The following ERC2 variants were observed in gnomAD, a reference collection of about 807,000 sequenced individuals.
ERC2 encodes the protein ELKS/RAB6-interacting/CAST family member 2.
In ERC2, 42 loss-of-function variants were observed where a neutral mutation model predicts 114.8. That is an observed-to-expected ratio of 0.37 (90% CI 0.29 to 0.47). The LOEUF is 0.47. ERC2 is among the 20% of genes least tolerant of loss of function. The pLI, the probability that ERC2 is intolerant of heterozygous loss-of-function variation, is 0.99. For missense variants in ERC2, 939 were observed against 1,150.7 expected (o/e 0.82, Z 2.66); for synonymous variants, 454 against 425.5 (o/e 1.07, Z -0.82).
intron 17 of ERC2, among the ~76,000 whole-genome samples, chr3:55,640,984 G>A (rs983644898): frequency 5.3e-5 from 8 of 152,166 alleles, no homozygotes; most frequent in Non-Finnish European, 1.0e-4. Flanking sequence ...ATAGGAACGC[G>A]ACAAAAGTTG....
At chr3:55,963,835 G>A (rs888348842) in intron 12 of ERC2, among the ~76,000 whole-genome samples, 1 of 152,144 alleles carries the variant, frequency 6.6e-6, no homozygotes, top group African/African-American at 2.4e-5. Flanking sequence ...CCAACATTCC[G>A]CAGTCTGGCC....
At chr3:56,435,304 T>C (rs2061968760) in intron 1 of ERC2, among the ~76,000 whole-genome samples, 157 bp from the exon 2 acceptor site, 1 of 152,168 alleles carries the variant, frequency 6.6e-6, no homozygotes, top group Non-Finnish European at 1.5e-5. Context: ...TGTTGATTTA[T>C]AAAGAAAAGC....
At chr3:56,192,362 G>T (rs1474858601) in intron 3 of ERC2, among the ~76,000 whole-genome samples, 1 of 152,196 alleles carries the variant, frequency 6.6e-6, no homozygotes, top group South Asian at 2.1e-4. Context: ...TAGTAAGCAT[G>T]AGATAAATGT....
At chr3:55,833,354 A>G (rs1002214351) in intron 14 of ERC2, among the ~76,000 whole-genome samples, 2 of 151,270 alleles carry the variant, frequency 1.3e-5, no homozygotes, top group Non-Finnish European at 2.9e-5. Flanking sequence ...AAGGGCAGCC[A>G]GAGAGAAAGG....
chr3:55,743,091 A>C (rs1302160929), intron 14 of ERC2, among the ~76,000 whole-genome samples: 1 of 152,184 alleles, frequency 6.6e-6, no homozygotes, highest in Non-Finnish European at 1.5e-5. Context: ...GACCTCAAAA[A>C]AATAGTTTAC....
intron 13 of ERC2, among the ~76,000 whole-genome samples, chr3:55,920,539 G>A (rs890704092): frequency 1.3e-5 from 2 of 151,842 alleles, no homozygotes; most frequent in Non-Finnish European, 2.9e-5. Context: ...TCTCCCTGGA[G>A]GTAACAATCA....
intron 11 of ERC2, among the ~76,000 whole-genome samples, chr3:55,990,417 C>G (rs949751720): frequency 6.6e-6 from 1 of 152,036 alleles, no homozygotes; most frequent in Non-Finnish European, 1.5e-5. Context: ...TTGTTTAATA[C>G]AGAGACAAAG....
intron 3 of ERC2, among the ~76,000 whole-genome samples, chr3:56,228,728 T>A (rs1282080067): frequency 6.6e-6 from 1 of 152,210 alleles, no homozygotes; most frequent in Non-Finnish European, 1.5e-5. Flanking sequence ...GGTATAAAAA[T>A]TACTTTAATT....
At chr3:56,079,116 C>T (rs948305074) in intron 7 of ERC2, among the ~76,000 whole-genome samples, 8 of 151,910 alleles carry the variant, frequency 5.3e-5, no homozygotes, top group African/African-American at 1.9e-4. Context: ...GTGAGTCACA[C>T]AGGTAATTTT....
At chr3:56,251,881 A>G (rs2150234595) in intron 3 of ERC2, among the ~76,000 whole-genome samples, 1 of 152,346 alleles carries the variant, frequency 6.6e-6, no homozygotes, top group Admixed American at 6.5e-5. Context: ...GTTTCTCAAA[A>G]CAATGTTTGG....
chr3:55,562,575 T>C (rs1382423055), intron 17 of ERC2, among the ~76,000 whole-genome samples: 1 of 152,144 alleles, frequency 6.6e-6, no homozygotes, highest in Non-Finnish European at 1.5e-5. Flanking sequence ...ATAAGAAAAG[T>C]CCAAGTGTTT....
intron 10 of ERC2, among the ~76,000 whole-genome samples, chr3:55,997,930 T>TTG (rs1559997299): frequency 5.8e-5 from 2 of 34,430 alleles, no homozygotes; most frequent in East Asian, 1.3e-3. Context: ...GTGTTTTTTG[T>TTG]TTTTTTTTTT....
At chr3:55,738,565 A>G (rs1433321284) in intron 14 of ERC2, among the ~76,000 whole-genome samples, 3 of 152,144 alleles carry the variant, frequency 2.0e-5, no homozygotes, top group Non-Finnish European at 2.9e-5. Flanking sequence ...AGATAGGCAC[A>G]CACACATATT....
intron 3 of ERC2, among the ~76,000 whole-genome samples, chr3:56,184,038 A>G (rs1301289801): frequency 6.6e-6 from 1 of 152,176 alleles, no homozygotes; most frequent in African/African-American, 2.4e-5. Flanking sequence ...GTAAATGGAC[A>G]TTTGGGAGCC....
chr3:56,433,102 C>T (rs901472809), intron 2 of ERC2, among the ~76,000 whole-genome samples: 12 of 151,288 alleles, frequency 7.9e-5, no homozygotes, highest in Admixed American at 2.0e-4. Flanking sequence ...TCATTTGAGC[C>T]GGGAAGTCAA....
intron 14 of ERC2, among the ~76,000 whole-genome samples, chr3:55,752,650 A>T (rs1250172306): frequency 1.3e-5 from 2 of 152,304 alleles, no homozygotes; most frequent in East Asian, 1.9e-4. Flanking sequence ...ACAACAATCT[A>T]ATGAGGAAGG....
chr3:55,662,000 C>T (rs759398574), intron 17 of ERC2, among the ~76,000 whole-genome samples: 1 of 152,042 alleles, frequency 6.6e-6, no homozygotes. Flanking sequence ...TATTGCAAAG[C>T]TAAGGTTTTT....
At chr3:55,649,258 ATTT>A (rs56806592) in intron 17 of ERC2, among the ~76,000 whole-genome samples, 48 of 119,190 alleles carry the variant, frequency 4.0e-4, no homozygotes, top group African/African-American at 4.3e-4. Flanking sequence ...CCAACGCTGA[ATTT>A]TTTTTTTTTT....
chr3:55,892,911 T>C (rs1338848698), intron 13 of ERC2, among the ~76,000 whole-genome samples: 1 of 152,156 alleles, frequency 6.6e-6, no homozygotes, highest in Non-Finnish European at 1.5e-5. Context: ...ACAATTCATA[T>C]GTTGAAATCT....
Sources: allele counts gnomAD v4.1 joint callset (sites outside exome capture counted in the v4.1 genomes callset), GRCh38; gene constraint gnomAD v4.1.1; transcripts MANE v1.5; gene names NCBI Gene and HGNC (gene_info 2026-07-23, HGNC 2026-07-21).